IQGAP2: variants seen among roughly 807,000 people sequenced by gnomAD.
The protein encoded by IQGAP2 is ras GTPase-activating-like protein IQGAP2.
IQGAP2 carries 173 observed loss-of-function variants against 201.3 expected under a neutral mutation model. That is an observed-to-expected ratio of 0.86 (90% CI 0.76 to 0.98). The LOEUF (loss-of-function observed/expected upper bound fraction) is 0.98, where lower values mean the gene tolerates loss of function less well. IQGAP2 is among the 50% of genes least tolerant of loss of function. The probability of loss-of-function intolerance (pLI) is 0.00; values close to 1 mark genes in which losing one functional copy is unlikely to be tolerated. For synonymous variants in IQGAP2, 675 were observed against 673.9 expected, an observed-to-expected ratio of 1.00 and a Z score of -0.03; for missense variants, 1,687 against 1,864.8, an observed-to-expected ratio of 0.90 and a Z score of 1.76.
chr5:76,697,750 C>A (rs4704356), intron 32 of IQGAP2, among the ~76,000 whole-genome samples: 49,922 of 152,022 alleles, frequency 0.33, 8,344 homozygotes, highest in Non-Finnish European at 0.35. Context: ...CCTTTCCATC[C>A]AGAGCAAAAT....
chr5:76,571,276 A>C (rs1467175454), intron 4 of IQGAP2, among the ~76,000 whole-genome samples: 1 of 152,084 alleles, frequency 6.6e-6, no homozygotes, highest in Non-Finnish European at 1.5e-5. Context: ...TGTTCAAGTG[A>C]TTCTCCTATC....
chr5:76,531,464 T>C lies in IQGAP2; in HGVS notation c.147-30932T>C, dbSNP rs187153044. ...TTTATTTTGAGGGACAGGGTTTTGC[T>C]ATGTTGTCCAGGCTAGCTCAAGCTC... On this transcript the variant is annotated intron_variant, in intron 2 of 35. Coordinates refer to ENST00000274364, the MANE Select transcript of IQGAP2 (RefSeq NM_006633.5). 3.2e-4 allele frequency among the ~76,000 whole-genome samples: 48 copies of C among 152,248 alleles called. No individual in the cohort carries two copies. In the East Asian group the frequency reaches 9.1e-3, roughly 29 times the overall value.
chr5:76,670,661 A>G (rs4704351), intron 23 of IQGAP2, among the ~76,000 whole-genome samples: 112,553 of 152,140 alleles, frequency 0.74, 42,384 homozygotes, highest in Middle Eastern at 0.8. Context: ...AAGTGGTCAA[A>G]AGAGAAAGGG....
In IQGAP2 at chr5:76,611,114, T is replaced by C; in HGVS notation, c.1452T>C (p.Ser484=). The C allele has an allele frequency of 6.2e-7, 1 of 1,614,018 alleles. No individual in the cohort carries two copies. Among genetic ancestry groups the C allele is most frequent in the Non-Finnish European group, 8.5e-7 (1 of 1,179,882 alleles). ...ETLLLPTANI[S]DVDPAHAQHY... ...TGCTCCTACCTACTGCGAATATTAGTGATGTGGACCCAGCCCATGCCCAGC... is the reference window on the plus strand; with the variant it reads ...TGCTCCTACCTACTGCGAATATTAGCGATGTGGACCCAGCCCATGCCCAGC... Residue 484 remains serine, a synonymous_variant, in exon 13 of 36, where the codon AGT becomes AGC. Coordinates refer to ENST00000274364, the MANE Select transcript of IQGAP2 (RefSeq NM_006633.5).
rs536193812 is a variant in IQGAP2, at chr5:76,629,559, C to T, written c.1612+2059C>T. ...TCTCTACCTTTTTCTCATTATGGCACCCTAAGGAATCTTTTTAGACAGTTT... is the reference window on the plus strand; with the variant it reads ...TCTCTACCTTTTTCTCATTATGGCATCCTAAGGAATCTTTTTAGACAGTTT... On this transcript the variant is annotated intron_variant, in intron 14 of 35. Transcript: ENST00000274364. Among the ~76,000 whole-genome samples the T allele has an allele frequency of 6.6e-5, 10 of 152,266 alleles. No homozygotes were observed. The East Asian group carries it at 1.9e-3, about 29-fold the overall frequency.
intron 1 of IQGAP2, among the ~76,000 whole-genome samples, chr5:76,446,210 G>A (rs1424512693): frequency 6.6e-6 from 1 of 152,096 alleles, no homozygotes; most frequent in Non-Finnish European, 1.5e-5. Context: ...CCCAGAAGTG[G>A]GATTGTTGGA....
chr5:76,673,950 A>G lies in IQGAP2; in HGVS notation c.3210-2A>G, dbSNP rs758303050. On this transcript the variant is annotated splice_acceptor_variant, in intron 25 of 35. Coordinates refer to ENST00000274364, the MANE Select transcript of IQGAP2 (RefSeq NM_006633.5). LOFTEE classifies it high-confidence loss of function. ...TTCTTTTGTCATCTGTTTTATATGT[A>G]GTTATGGATTGAGGTATATAGCCAA... 8 of 1,524,198 alleles carry G rather than the reference A, an allele frequency of 5.2e-6. No homozygotes were observed. The highest frequency in any genetic ancestry group is 2.7e-6 in the Non-Finnish European group (3 of 1,100,164). The allele number at this position is 1,524,198 out of a possible 1,614,324, so 94.4% of individuals were successfully genotyped here. A position where few individuals can be genotyped will look rare whatever the true frequency, so the allele number is the denominator to read the frequency against.
intron 1 of IQGAP2, among the ~76,000 whole-genome samples, chr5:76,426,887 C>G (rs911947303): frequency 1.5e-5 from 2 of 135,094 alleles, no homozygotes; most frequent in African/African-American, 5.4e-5. Context: ...CTGAGCCAAG[C>G]GGGGAAAAAC....
At chr5:76,659,807 C>T (rs1743095035) in intron 21 of IQGAP2, among the ~76,000 whole-genome samples, 1 of 152,084 alleles carries the variant, frequency 6.6e-6, no homozygotes, top group Admixed American at 6.6e-5. Flanking sequence ...AAAAACACCC[C>T]TACGTATTTC....
intron 3 of IQGAP2, among the ~76,000 whole-genome samples, chr5:76,568,725 A>G (rs1744911640): frequency 6.6e-6 from 1 of 152,112 alleles, no homozygotes; most frequent in African/African-American, 2.4e-5. Context: ...GGAAGCAAGA[A>G]CCCATTTTCT....
chr5:76,554,503 A>G (rs1743780299), intron 2 of IQGAP2, among the ~76,000 whole-genome samples: 1 of 152,244 alleles, frequency 6.6e-6, no homozygotes, highest in South Asian at 2.1e-4. Flanking sequence ...AACATGAGCA[A>G]TAGATTTGAA....
chr5:76,656,641 T>C (rs976689854), intron 20 of IQGAP2, among the ~76,000 whole-genome samples: 17 of 152,210 alleles, frequency 1.1e-4, no homozygotes, highest in Non-Finnish European at 2.5e-4. Flanking sequence ...TAAAGTGTTT[T>C]TTTTTAAGCA....
chr5:76,604,018 G>A (rs1333065365), intron 11 of IQGAP2, among the ~76,000 whole-genome samples: 3 of 152,058 alleles, frequency 2.0e-5, no homozygotes, highest in African/African-American at 7.3e-5. Context: ...TGGGATACAT[G>A]TGCAGAACAT....
chr5:76,590,411 A>T lies in IQGAP2; in HGVS notation c.644A>T (p.His215Leu). 2 of 1,598,646 alleles carry T rather than the reference A, an allele frequency of 1.3e-6. No individual in the cohort carries two copies. The highest frequency in any genetic ancestry group is 8.5e-7 in the Non-Finnish European group (1 of 1,173,132). ...NELSVDEAAL[H>L]AAVIAINEAV... ...TCTCTCTCTCTTTACTTTTTAGTAC[A>T]TGCTGCAGTTATAGCCATTAATGAA... Residue 215 changes from histidine to leucine, a missense_variant, in exon 8 of 36, where the codon CAT becomes CTT. Physicochemically the swap from His to Leu is moderately conservative, Grantham distance 99. Transcript: ENST00000274364.
chr5:76,696,047 GC>G (rs1173587296), intron 32 of IQGAP2, among the ~76,000 whole-genome samples: 2 of 151,824 alleles, frequency 1.3e-5, no homozygotes, highest in African/African-American at 4.8e-5. Flanking sequence ...CACCATGCTG[GC>G]CAGGCTGGTC....
chr5:76,478,509 C>G (rs554504660), intron 2 of IQGAP2, among the ~76,000 whole-genome samples: 1 of 152,210 alleles, frequency 6.6e-6, no homozygotes, highest in South Asian at 2.1e-4. Context: ...GACAGTGACA[C>G]AAGTCCTGTC....
At chr5:76,498,732 A>G (rs1464533880) in intron 2 of IQGAP2, among the ~76,000 whole-genome samples, 2 of 152,232 alleles carry the variant, frequency 1.3e-5, no homozygotes, top group African/African-American at 4.8e-5. Context: ...TATTTGCACA[A>G]CTGGGTGTTA....
chr5:76,506,748 G>GA (rs1401102667), intron 2 of IQGAP2, among the ~76,000 whole-genome samples: 1 of 152,108 alleles, frequency 6.6e-6, no homozygotes, highest in Non-Finnish European at 1.5e-5. Context: ...AATTTGAAAT[G>GA]AAAACACAAC....
intron 1 of IQGAP2, among the ~76,000 whole-genome samples, chr5:76,431,402 A>T (rs1322232673): frequency 6.6e-6 from 1 of 152,140 alleles, no homozygotes; most frequent in Non-Finnish European, 1.5e-5. Flanking sequence ...TGGGACTGTT[A>T]CTGAACTTTA....
Sources: allele counts gnomAD v4.1 joint callset (sites outside exome capture counted in the v4.1 genomes callset), GRCh38; gene constraint gnomAD v4.1.1; transcripts MANE v1.5; gene names NCBI Gene and HGNC (gene_info 2026-07-23, HGNC 2026-07-21).